Variants in MTMR8 observed in about 807,000 individuals in gnomAD.
MTMR8 encodes myotubularin related protein 8, also known as phosphatidylinositol-3,5-bisphosphate 3-phosphatase MTMR8.
MTMR8 carries 65 observed loss-of-function variants against 39.3 expected under a neutral mutation model. That is an observed-to-expected ratio of 1.65 (90% CI 1.35 to 2.03). MTMR8 has a LOEUF of 2.03. MTMR8 is among the 30% of genes most tolerant of loss of function. The pLI is 0.00. For missense variants in MTMR8, 777 were observed against 538.9 expected, an observed-to-expected ratio of 1.44 and a Z score of -4.37; for synonymous variants, 245 against 185.2, an observed-to-expected ratio of 1.32 and a Z score of -2.62.
chrX:64,293,601 AG>A (rs1419938887), intron 12 of MTMR8, among the ~76,000 whole-genome samples: 9 of 111,289 alleles, frequency 8.1e-5, no homozygotes, highest in African/African-American at 2.9e-4. Flanking sequence ...ACACCCACAT[AG>A]GGATCTGGTG....
rs759579670 is a variant in MTMR8 at position 64,350,751 on chromosome X, CTT to C, written c.469-683_469-682del. Among the ~76,000 whole-genome samples the C allele has an allele frequency of 2.7e-5, 3 of 111,038 alleles. No individual in the cohort carries two copies. The South Asian group carries it at 1.2e-3, about 43-fold the overall frequency. On this transcript the variant is annotated intron_variant, in intron 4 of 13. Transcript: ENST00000374852. Reference sequence around the variant, plus strand: ...GGAGGTGTTGACATTTTAGGTGTGACTTACTCTATGAAAAGACTGACATATTT... The same window carrying C: ...GGAGGTGTTGACATTTTAGGTGTGACACTCTATGAAAAGACTGACATATTT...
intron 4 of MTMR8, among the ~76,000 whole-genome samples, chrX:64,351,721 A>G (rs1250604142): frequency 9.0e-6 from 1 of 111,627 alleles, no homozygotes; most frequent in East Asian, 2.9e-4. Context: ...GTGTAAGTCC[A>G]AGAATCCAAA....
rs1923412694 is a variant in MTMR8, at chrX:64,348,860, C to T, written c.598-66G>A. 4.4e-6 allele frequency: 5 copies of T among 1,143,230 alleles called. No homozygotes were observed. The South Asian group carries it at 5.7e-5, about 13-fold the overall frequency. The allele number at this position is 1,143,230 out of a possible 1,213,427, so 94.2% of individuals were successfully genotyped here. On this transcript the variant is annotated intron_variant, in intron 5 of 13. Transcript: ENST00000374852. ...AAATGGTCAAAAATCTTTCTTGACC[C>T]TTGCCAGGTTCCATGAGTAGAGGGA...
intron 2 of MTMR8, among the ~76,000 whole-genome samples, chrX:64,358,044 A>ATTTGGATTTGT (rs1923673292): frequency 8.9e-6 from 1 of 111,853 alleles, no homozygotes; most frequent in South Asian, 3.8e-4. Context: ...TTGAAATAAT[A>ATTTGGATTTGT]CCCAAAAGGA....
intron 12 of MTMR8, among the ~76,000 whole-genome samples, chrX:64,289,498 G>C (rs1421978101): frequency 2.8e-5 from 3 of 108,925 alleles, no homozygotes; most frequent in South Asian, 4.0e-4. Context: ...TTAGCTGGGC[G>C]TGGTGGCACA....
At chrX:64,388,339 A>T (rs763141571) in intron 1 of MTMR8, among the ~76,000 whole-genome samples, 1 of 112,245 alleles carries the variant, frequency 8.9e-6, no homozygotes, top group South Asian at 3.7e-4. Context: ...TGTATGTATT[A>T]AAAACGGCAG....
intron 12 of MTMR8, among the ~76,000 whole-genome samples, chrX:64,313,971 G>T (rs1452712284): frequency 8.9e-6 from 1 of 112,015 alleles, no homozygotes; most frequent in Non-Finnish European, 1.9e-5. Context: ...TTCTATTTGA[G>T]GACCTTGGGG....
intron 7 of MTMR8, 134 bp from the exon 8 acceptor site, chrX:64,343,854 CAGTG>C: frequency 6.3e-6 from 3 of 473,129 alleles, no homozygotes; most frequent in Non-Finnish European, 1.1e-5. Flanking sequence ...AGAAACCACA[CAGTG>C]AGTCAGGGAC....
intron 12 of MTMR8, among the ~76,000 whole-genome samples, chrX:64,317,997 T>C (rs190979315): frequency 8.0e-5 from 9 of 112,426 alleles, no homozygotes; most frequent in Non-Finnish European, 1.7e-4. Context: ...CTTTTCCCCA[T>C]GTGACCTCCA....
At chrX:64,334,980 C>T (rs1008032728) in intron 10 of MTMR8, among the ~76,000 whole-genome samples, 3 of 111,510 alleles carry the variant, frequency 2.7e-5, no homozygotes, top group Non-Finnish European at 5.6e-5. Context: ...CTTCTCAATA[C>T]CTAACATAAT....
chrX:64,360,632 T>A (rs144850948), intron 1 of MTMR8, among the ~76,000 whole-genome samples: 2 of 111,099 alleles, frequency 1.8e-5, no homozygotes, highest in Admixed American at 1.9e-4. Flanking sequence ...TAGAAATTAA[T>A]AACAAAATAA....
intron 12 of MTMR8, among the ~76,000 whole-genome samples, chrX:64,278,206 C>T (rs1931922929): frequency 1.8e-5 from 2 of 108,938 alleles, no homozygotes; most frequent in Admixed American, 2.0e-4. Flanking sequence ...TTTGTTATTA[C>T]CTACCTTCTG....
chrX:64,331,583 G>C lies in MTMR8; in HGVS notation c.1326C>G (p.Asn442Lys). The C allele has an allele frequency of 8.3e-7, 1 of 1,210,377 alleles. No homozygotes were observed. Among genetic ancestry groups the C allele is most frequent in the South Asian group, 1.8e-5 (1 of 56,834 alleles). The change falls in exon 11 of 14, where the codon AAC becomes AAG. Residue 442 changes from asparagine (N) to lysine (K), a missense_variant. By Grantham distance (94) the Asn-to-Lys change is moderately conservative. Transcript: ENST00000374852. The part of the protein sequence containing the change: ...FSCQFGNFLG[N>K]CQKDREDLRV... ...TTAGATCTTCCCGATCCTTCTGGCA[G>C]TTACCAAGGAAGTTTCCAAACTGGC...
intron 12 of MTMR8, among the ~76,000 whole-genome samples, chrX:64,297,872 G>T (rs765331443): frequency 9.4e-6 from 1 of 106,847 alleles, no homozygotes. Flanking sequence ...TCTCAGGTTT[G>T]TCAAAGATCA....
intron 11 of MTMR8, among the ~76,000 whole-genome samples, chrX:64,330,447 G>T (rs1483327841): frequency 9.0e-6 from 1 of 111,623 alleles, no homozygotes; most frequent in Non-Finnish European, 1.9e-5. Context: ...ACTTCATCTT[G>T]CTATGCTATA....
intron 12 of MTMR8, among the ~76,000 whole-genome samples, chrX:64,310,228 A>C (rs1445581183): frequency 8.9e-6 from 1 of 112,064 alleles, no homozygotes; most frequent in Non-Finnish European, 1.9e-5. Context: ...CTTTACTAGG[A>C]GTAAATTCCA....
At chrX:64,395,271 G>A (rs1261591736) in intron 1 of MTMR8, 69 bp downstream of exon 1, 13 of 1,113,701 alleles carry the variant, frequency 1.2e-5, no homozygotes, top group Non-Finnish European at 1.6e-5. Context: ...GAGGAGGTGT[G>A]TCTGGGCTCC....
intron 12 of MTMR8, among the ~76,000 whole-genome samples, chrX:64,301,982 G>A (rs1277469547): frequency 5.4e-5 from 6 of 112,068 alleles, no homozygotes; most frequent in Admixed American, 9.4e-5. Context: ...TGTCAGACAG[G>A]GACATTTAAG....
intron 12 of MTMR8, among the ~76,000 whole-genome samples, chrX:64,309,941 T>C (rs1922244150): frequency 8.9e-6 from 1 of 111,973 alleles, no homozygotes; most frequent in Admixed American, 9.5e-5. Context: ...GCCTCGACGT[T>C]GATGGCTGCT....
Sources: gnomAD v4.1 joint callset for allele counts (sites outside exome capture counted in the v4.1 genomes callset) on GRCh38, gnomAD v4.1.1 for gene constraint, MANE v1.5 for transcripts, NCBI Gene and HGNC (gene_info 2026-07-23, HGNC 2026-07-21) for gene names.